The following LRRTM4 variants were observed in gnomAD, a reference collection of about 807,000 sequenced individuals.
The protein encoded by LRRTM4 is leucine-rich repeat transmembrane neuronal protein 4.
A neutral mutation model predicts 47.6 loss-of-function variants in LRRTM4; 25 were observed. The observed-to-expected ratio is 0.53, with a 90% confidence interval of 0.38 to 0.73. LRRTM4 has a LOEUF of 0.73. Among genes scored for constraint, LRRTM4 ranks in the 30% least tolerant of loss-of-function variants. The pLI is 0.00. For missense variants in LRRTM4, 638 were observed against 713.4 expected (o/e 0.89, Z 1.20); for synonymous variants, 311 against 269.5 (o/e 1.15, Z -1.51).
rs547952955 is a variant in LRRTM4 at position 77,117,163 on chromosome 2, TTGTA to T, written c.1552-368251_1552-368248del. On this transcript the variant is annotated intron_variant, in intron 3 of 3. Transcript: ENST00000409884. Reference sequence around the variant, plus strand: ...CTTTTAATTGCTAAATGGTATTCTTTTGTATGGTTTATGAATCATTCATTAGTTG... The same window carrying T: ...CTTTTAATTGCTAAATGGTATTCTTTTGGTTTATGAATCATTCATTAGTTG... Among the ~76,000 whole-genome samples, 5 of 152,128 alleles carry T rather than the reference TTGTA, an allele frequency of 3.3e-5. No individual in the cohort carries two copies. In the South Asian group the frequency reaches 1.0e-3, roughly 31 times the overall value.
At position 77,427,997 on chromosome 2, in the gene LRRTM4, C is replaced by T. The variant is rs546579576; in HGVS notation, c.1551+90321G>A. Among the ~76,000 whole-genome samples the T allele has an allele frequency of 3.6e-4, 55 of 152,192 alleles. No individual in the cohort carries two copies. The South Asian group carries it at 0.011, about 29-fold the overall frequency. On this transcript the variant is annotated intron_variant, in intron 3 of 3. Transcript: ENST00000409884. The stretch of plus-strand genomic sequence containing the variant: ...GGGACCCAGTGGGAAGTAATTGAAC[C>T]ATAGGGCAGTTACTCCCATGCTACT...
intron 3 of LRRTM4, among the ~76,000 whole-genome samples, chr2:76,899,514 C>G (rs1237420296): frequency 6.6e-6 from 1 of 152,062 alleles, no homozygotes; most frequent in Non-Finnish European, 1.5e-5. Context: ...CAAATAAACC[C>G]TGCAGATGCC....
At chr2:77,491,124 G>A (rs919043016) in intron 3 of LRRTM4, among the ~76,000 whole-genome samples, 9 of 151,938 alleles carry the variant, frequency 5.9e-5, no homozygotes, top group Non-Finnish European at 1.2e-4. Context: ...AGATATACAA[G>A]GGATTTGAGA....
intron 3 of LRRTM4, among the ~76,000 whole-genome samples, chr2:76,757,743 A>G (rs74383978): frequency 6.6e-6 from 1 of 152,158 alleles, no homozygotes; most frequent in African/African-American, 2.4e-5. Flanking sequence ...TGTGAAAAAA[A>G]TAATTGTAGA....
intron 3 of LRRTM4, among the ~76,000 whole-genome samples, chr2:77,246,233 C>A (rs921808364): frequency 1.3e-5 from 2 of 152,096 alleles, no homozygotes; most frequent in African/African-American, 4.8e-5. Flanking sequence ...GAGATAGCTC[C>A]ATCTGAATGT....
At chr2:77,045,642 C>T (rs901778065) in intron 3 of LRRTM4, among the ~76,000 whole-genome samples, 1 of 151,928 alleles carries the variant, frequency 6.6e-6, no homozygotes, top group African/African-American at 2.4e-5. Flanking sequence ...AGTTTTCCTG[C>T]ACAAGCTCTC....
At chr2:77,436,092 G>A (rs1922808) in intron 3 of LRRTM4, among the ~76,000 whole-genome samples, 87,592 of 151,982 alleles carry the variant, frequency 0.58, 25,562 homozygotes, top group African/African-American at 0.68. Context: ...AGTTCAAACA[G>A]AGTAGAGTGT....
chr2:76,768,891 A>T (rs150055892), intron 3 of LRRTM4, among the ~76,000 whole-genome samples: 28 of 152,240 alleles, frequency 1.8e-4, no homozygotes, highest in African/African-American at 6.3e-4. Flanking sequence ...TTTGTAGGCT[A>T]TAGAATGTGC....
At chr2:77,299,278 C>CAGAA (rs72405566) in intron 3 of LRRTM4, among the ~76,000 whole-genome samples, 2 of 150,138 alleles carry the variant, frequency 1.3e-5, no homozygotes, top group Admixed American at 1.3e-4. Context: ...CACACACACA[C>CAGAA]ACACACACAC....
chr2:77,070,002 C>A (rs1680097401), intron 3 of LRRTM4, among the ~76,000 whole-genome samples: 1 of 152,008 alleles, frequency 6.6e-6, no homozygotes, highest in African/African-American at 2.4e-5. Flanking sequence ...CAAATGAAAA[C>A]AAGCCTTTTG....
intron 3 of LRRTM4, among the ~76,000 whole-genome samples, chr2:77,185,771 G>A (rs1432214045): frequency 6.6e-6 from 1 of 152,070 alleles, no homozygotes; most frequent in African/African-American, 2.4e-5. Context: ...GTAGTATCTT[G>A]CCATATTTAG....
Position 76,811,498 on chromosome 2 carries a change from A to G in LRRTM4, c.1552-62582T>C, listed in dbSNP as rs1041768004. ...AGGTGGCAGCCAGACCATCGCCTCTACTCTACATTGCAAGCTTAGCTAAGG... is the reference window on the plus strand; with the variant it reads ...AGGTGGCAGCCAGACCATCGCCTCTGCTCTACATTGCAAGCTTAGCTAAGG... On this transcript the variant is annotated intron_variant, in intron 3 of 3. Coordinates refer to ENST00000409884, the MANE Select transcript of LRRTM4 (RefSeq NM_001134745.3). Among the ~76,000 whole-genome samples, 3 of 152,046 alleles carry G rather than the reference A, an allele frequency of 2.0e-5. No homozygotes were observed. The East Asian group carries it at 5.8e-4, about 29-fold the overall frequency.
chr2:76,952,353 A>G (rs1248819744), intron 3 of LRRTM4, among the ~76,000 whole-genome samples: 1 of 152,002 alleles, frequency 6.6e-6, no homozygotes, highest in Non-Finnish European at 1.5e-5. Context: ...ATCAACAAGA[A>G]AACAACAAAT....
intron 3 of LRRTM4, among the ~76,000 whole-genome samples, chr2:77,395,517 T>C (rs1673668291): frequency 6.6e-6 from 1 of 152,014 alleles, no homozygotes; most frequent in African/African-American, 2.4e-5. Context: ...GGTTGTGCCA[T>C]CATAAATTCC....
intron 3 of LRRTM4, among the ~76,000 whole-genome samples, chr2:77,514,085 C>A (rs1203705949): frequency 6.6e-6 from 1 of 151,770 alleles, no homozygotes; most frequent in Non-Finnish European, 1.5e-5. Flanking sequence ...TATATACAGA[C>A]ATACATACAT....
chr2:76,842,638 A>G lies in LRRTM4; in HGVS notation c.1552-93722T>C, dbSNP rs145845571. Among the ~76,000 whole-genome samples the G allele has an allele frequency of 1.4e-4, 21 of 152,324 alleles. No homozygotes were observed. In the East Asian group the frequency reaches 3.7e-3, roughly 27 times the overall value. On this transcript the variant is annotated intron_variant, in intron 3 of 3. Transcript: ENST00000409884. ...ACTCACATAATTTGTTGAATACTGC[A>G]CTGAAAGTGAAAAACAGAATGGTTG...
chr2:77,272,589 T>C (rs1331652103), intron 3 of LRRTM4, among the ~76,000 whole-genome samples: 2 of 152,174 alleles, frequency 1.3e-5, no homozygotes, highest in South Asian at 4.1e-4. Flanking sequence ...ATAGTTTGGA[T>C]GTTTGTCCCC....
At chr2:77,260,458 A>G (rs1345597256) in intron 3 of LRRTM4, among the ~76,000 whole-genome samples, 1 of 151,100 alleles carries the variant, frequency 6.6e-6, no homozygotes, top group East Asian at 2.0e-4. Flanking sequence ...GTGATTTATA[A>G]TACAGTACTA....
chr2:77,057,666 C>G (rs1287339366), intron 3 of LRRTM4, among the ~76,000 whole-genome samples: 1 of 152,114 alleles, frequency 6.6e-6, no homozygotes, highest in South Asian at 2.1e-4. Flanking sequence ...AAGCAAAACG[C>G]AAGTGCCCTT....
Sources: allele counts gnomAD v4.1 joint callset (sites outside exome capture counted in the v4.1 genomes callset), GRCh38; gene constraint gnomAD v4.1.1; transcripts MANE v1.5; gene names NCBI Gene and HGNC (gene_info 2026-07-23, HGNC 2026-07-21).